Variants in FAM171A1 observed in about 807,000 individuals in gnomAD.
FAM171A1 encodes the protein family with sequence similarity 171 member A1.
Under a neutral mutation model 74.9 loss-of-function variants are expected in FAM171A1, and 23 were observed. The observed-to-expected ratio is 0.31, with a 90% CI of 0.22 to 0.44. The LOEUF (loss-of-function observed/expected upper bound fraction) is 0.44, where lower values mean the gene tolerates loss of function less well. FAM171A1 is among the 20% of genes least tolerant of loss of function. The pLI is 1.00. For missense variants in FAM171A1, 1,162 were observed against 1,159.2 expected, an observed-to-expected ratio of 1.00 and a Z score of -0.03; for synonymous variants, 527 against 505.7, an observed-to-expected ratio of 1.04 and a Z score of -0.57.
At chr10:15,285,548 C>A (rs191942458) in intron 1 of FAM171A1, among the ~76,000 whole-genome samples, 1 of 152,186 alleles carries the variant, frequency 6.6e-6, no homozygotes, top group Admixed American at 6.6e-5. Context: ...AGAACTATCA[C>A]GTCAAGGGTG....
At chr10:15,340,172 C>T (rs760519811) in intron 1 of FAM171A1, among the ~76,000 whole-genome samples, 1 of 152,172 alleles carries the variant, frequency 6.6e-6, no homozygotes, top group Non-Finnish European at 1.5e-5. Flanking sequence ...GTGTAGGAGA[C>T]TGTCTCTGCT....
chr10:15,313,513 T>C (rs1835388141), intron 1 of FAM171A1, among the ~76,000 whole-genome samples: 1 of 152,186 alleles, frequency 6.6e-6, no homozygotes, highest in African/African-American at 2.4e-5. Context: ...TGAAAATATA[T>C]AAACCGTGGA....
In FAM171A1 at chr10:15,363,305, G is replaced by A. The variant is rs114067885; in HGVS notation, c.97+7651C>T. Among the ~76,000 whole-genome samples the A allele has an allele frequency of 4.2e-3, 647 of 152,364 alleles. 6 individuals are homozygous for A. The highest frequency in any genetic ancestry group is 0.015 in the African/African-American group (625 of 41,580). On this transcript the variant is annotated intron_variant, in intron 1 of 7. Coordinates refer to ENST00000378116, the MANE Select transcript of FAM171A1 (RefSeq NM_001010924.2). ...GAATGTGAATTAAATGGTGCTTGAA[G>A]ACAGACAACATGGAAGAGGGTTTTG... is the stretch of plus-strand genomic sequence containing the variant.
At chr10:15,334,940 C>A (rs577904130) in intron 1 of FAM171A1, among the ~76,000 whole-genome samples, 1 of 152,162 alleles carries the variant, frequency 6.6e-6, no homozygotes, top group African/African-American at 2.4e-5. Context: ...TACAAAATCC[C>A]GATTCAAGAT....
At chr10:15,249,083 C>T (rs1834474536) in intron 4 of FAM171A1, among the ~76,000 whole-genome samples, 1 of 139,012 alleles carries the variant, frequency 7.2e-6, no homozygotes, top group African/African-American at 2.7e-5. Context: ...AATCTAGGCT[C>T]AGGTTTTCTT....
In FAM171A1 at chr10:15,220,947, G is replaced by A; in HGVS notation, c.868C>T (p.Pro290Ser). 4 of 1,611,984 alleles carry A rather than the reference G, an allele frequency of 2.5e-6. No individual in the cohort carries two copies. Among genetic ancestry groups the A allele is most frequent in the Non-Finnish European group, 3.4e-6 (4 of 1,178,552 alleles). The change falls in exon 6 of 8, where the codon CCA (proline) becomes TCA (serine). Residue 290 changes from proline to serine, a missense_variant. Transcript: ENST00000378116. ...GCAAGTGTTGGCTCCGTGTTACCTG[G>A]GATGGGAGGGGACATGGCGGCCACC... ...YWVAAMSPPI[P>S]GPVVTQDITT... is the part of the protein sequence containing the mutation.
intron 1 of FAM171A1, among the ~76,000 whole-genome samples, chr10:15,299,640 G>C (rs554253204): frequency 1.3e-5 from 2 of 151,966 alleles, no homozygotes; most frequent in South Asian, 2.1e-4. Flanking sequence ...AAAGTGCTAC[G>C]TGGGAGCCAG....
chr10:15,251,458 A>C (rs1036869659), intron 4 of FAM171A1, among the ~76,000 whole-genome samples: 1 of 149,594 alleles, frequency 6.7e-6, no homozygotes, highest in Non-Finnish European at 1.5e-5. Context: ...AGTGGAGTGC[A>C]ATGGTGCAAT....
In FAM171A1 at chr10:15,254,718, T is replaced by C; in HGVS notation, c.577+3A>G. 6.2e-7 allele frequency: 1 copy of C among 1,613,538 alleles called. No individual in the cohort carries two copies. On this transcript the variant is annotated splice_donor_region_variant and intron_variant, in intron 4 of 7. Coordinates refer to ENST00000378116, the MANE Select transcript of FAM171A1 (RefSeq NM_001010924.2). Reference sequence around the variant, plus strand: ...CACTGAAAAGAGAAAAGACTCCAATTACCTGTTCCATTTCCGTCTAATCCT... The same window carrying C: ...CACTGAAAAGAGAAAAGACTCCAATCACCTGTTCCATTTCCGTCTAATCCT...
At chr10:15,216,316 G>T (rs1296927729) in intron 6 of FAM171A1, among the ~76,000 whole-genome samples, 5 of 152,228 alleles carry the variant, frequency 3.3e-5, no homozygotes, top group Non-Finnish European at 7.3e-5. Flanking sequence ...AGCTCCCACA[G>T]CCAGGAGAAC....
intron 3 of FAM171A1, among the ~76,000 whole-genome samples, chr10:15,274,415 G>T (rs1198718765): frequency 1.3e-5 from 2 of 152,314 alleles, no homozygotes; most frequent in Admixed American, 6.5e-5. Context: ...AACACTCCAT[G>T]CTCATGGATA....
rs145561989 is a variant in FAM171A1 at position 15,282,501 on chromosome 10, T to G, written c.325+1377A>C. On this transcript the variant is annotated intron_variant, in intron 2 of 7. Transcript: ENST00000378116. ...CCAGAGGCTTGCAGGAACTCAGCCCTGCGTTTCCCTTGTAGCAGTGGTTCA... is the reference window on the plus strand; with the variant it reads ...CCAGAGGCTTGCAGGAACTCAGCCCGGCGTTTCCCTTGTAGCAGTGGTTCA... Among the ~76,000 whole-genome samples the G allele has an allele frequency of 4.9e-3, 743 of 152,340 alleles. 6 individuals are homozygous for G. Among genetic ancestry groups the G allele is most frequent in the African/African-American group, 0.017 (707 of 41,572 alleles).
At chr10:15,251,145 A>G (rs760290967) in intron 4 of FAM171A1, among the ~76,000 whole-genome samples, 2 of 152,196 alleles carry the variant, frequency 1.3e-5, no homozygotes, top group Non-Finnish European at 2.9e-5. Context: ...ATCTATGGAA[A>G]TAAGTACACT....
intron 1 of FAM171A1, among the ~76,000 whole-genome samples, chr10:15,320,627 A>G (rs1835476166): frequency 6.6e-6 from 1 of 152,112 alleles, no homozygotes; most frequent in African/African-American, 2.4e-5. Context: ...CCTCACCAGC[A>G]TGTTATTTTT....
At chr10:15,366,791 T>C (rs1248882430) in intron 1 of FAM171A1, among the ~76,000 whole-genome samples, 1 of 152,208 alleles carries the variant, frequency 6.6e-6, no homozygotes, top group Non-Finnish European at 1.5e-5. Flanking sequence ...TTACTAAAAG[T>C]AGGAAATTAA....
At chr10:15,351,107 T>G (rs1216396040) in intron 1 of FAM171A1, among the ~76,000 whole-genome samples, 2 of 152,190 alleles carry the variant, frequency 1.3e-5, no homozygotes, top group Non-Finnish European at 2.9e-5. Flanking sequence ...TTATTTATCT[T>G]TGCTTCCTCC....
At chr10:15,235,215 T>C (rs1020115979) in intron 5 of FAM171A1, among the ~76,000 whole-genome samples, 5 of 140,418 alleles carry the variant, frequency 3.6e-5, no homozygotes, top group African/African-American at 1.4e-4. Flanking sequence ...GACAGGAGAA[T>C]CGCTTGAACC....
intron 1 of FAM171A1, among the ~76,000 whole-genome samples, chr10:15,354,373 G>A (rs1835910442): frequency 6.6e-6 from 1 of 152,034 alleles, no homozygotes; most frequent in Admixed American, 6.6e-5. Context: ...GCACTTGCCT[G>A]TAGTCTCAGC....
At chr10:15,260,865 A>G (rs12242190) in intron 3 of FAM171A1, among the ~76,000 whole-genome samples, 2,916 of 152,232 alleles carry the variant, frequency 0.019, 97 homozygotes, top group African/African-American at 0.066. Context: ...AGACCTCACT[A>G]AATGTCTCTG....
Sources: gnomAD v4.1 joint callset for allele counts (sites outside exome capture counted in the v4.1 genomes callset) on GRCh38, gnomAD v4.1.1 for gene constraint, MANE v1.5 for transcripts, NCBI Gene and HGNC (gene_info 2026-07-23, HGNC 2026-07-21) for gene names.